ACAN: variants seen among roughly 807,000 people sequenced by gnomAD.
ACAN encodes the protein aggrecan core protein.
In ACAN, 47 loss-of-function variants were observed where a neutral mutation model predicts 169.1. The observed-to-expected ratio is 0.28, with a 90% CI of 0.22 to 0.35. The LOEUF is 0.35. Among genes scored for constraint, ACAN ranks in the 10% least tolerant of loss-of-function variants. The pLI is 1.00. For synonymous variants in ACAN, 1,115 were observed against 1,112.2 expected, an observed-to-expected ratio of 1.00 and a Z score of -0.05; for missense variants, 2,716 against 2,759.9, an observed-to-expected ratio of 0.98 and a Z score of 0.36.
rs1335478216 is a variant in ACAN at position 88,868,301 on chromosome 15, C to T, written c.7032C>T (p.Pro2344=). ...ACTCTTTCACATGCTTATGCCTTCC[C>T]AGCTACGAAGGGGACCTGTGTGAGA... is the stretch of plus-strand genomic sequence containing the variant. ...AIDSFTCLCL[P]SYEGDLCEID... is the part of the protein sequence containing the mutation. Residue 2344 remains proline (P), a synonymous_variant, in exon 14 of 19, where the codon CCC becomes CCT. Transcript: ENST00000560601. This position sits in a 1 kb window ranked among gnomAD's most constrained non-coding sequence, Gnocchi z 5.2. The T allele has an allele frequency of 5.7e-6, 4 of 702,824 alleles. No individual in the cohort carries two copies. In the Admixed American group the frequency reaches 8.0e-5, roughly 14 times the overall value. The allele number at this position is 702,824 out of a possible 1,614,324, so 43.5% of individuals were successfully genotyped here.
rs1271398346 is a variant in ACAN, at chr15:88,857,119, G to A, written c.4534G>A (p.Gly1512Arg). 2 of 1,606,826 alleles carry A rather than the reference G, an allele frequency of 1.2e-6. No individual in the cohort carries two copies. Among genetic ancestry groups the A allele is most frequent in the South Asian group, 2.2e-5 (2 of 90,258 alleles). ...GIEDVSELPS[G>R]EGLETSASGV... ...AGAGGATGTCAGTGAACTTCCTTCAGGAGAAGGTCTAGAGACCTCTGCTTC... is the reference window on the plus strand; with the variant it reads ...AGAGGATGTCAGTGAACTTCCTTCAAGAGAAGGTCTAGAGACCTCTGCTTC... The change falls in exon 12 of 19, where the codon GGA becomes AGA. Residue 1512 changes from glycine (G) to arginine (R), a missense_variant. Gly to Arg is a moderately radical substitution (Grantham distance 125, BLOSUM62 -2). Transcript: ENST00000560601.
intron 11 of ACAN, among the ~76,000 whole-genome samples, chr15:88,852,253 T>G (rs1388189549): frequency 6.6e-6 from 1 of 152,198 alleles, no homozygotes; most frequent in East Asian, 1.9e-4. Flanking sequence ...TAAAATTTTT[T>G]TATTACACAT....
intron 1 of ACAN, among the ~76,000 whole-genome samples, chr15:88,823,916 C>T (rs999263303): frequency 6.6e-6 from 1 of 152,168 alleles, no homozygotes; most frequent in Non-Finnish European, 1.5e-5. Context: ...TCCCGGCTAC[C>T]CCTGACAGCT....
At chr15:88,847,820 T>A in intron 8 of ACAN, 91 bp from the exon 9 acceptor site, 1 of 1,460,262 alleles carries the variant, frequency 6.8e-7, no homozygotes, top group African/African-American at 1.4e-5. Flanking sequence ...CATCTCCAAG[T>A]CCCTGAGTAG....
Position 88,872,042 on chromosome 15 carries a change from G to C in ACAN, c.7259G>C (p.Arg2420Thr). The change falls in exon 16 of 19, where the codon AGG becomes ACG. Residue 2420 changes from arginine (R) to threonine (T), a missense_variant. By Grantham distance (71) the Arg-to-Thr change is moderately conservative. Coordinates refer to ENST00000560601, the MANE Select transcript of ACAN (RefSeq NM_001369268.1). This position sits in a 1 kb window ranked among gnomAD's most constrained non-coding sequence, Gnocchi z 5.4. ...TACCAGTGGATCGGCCTGAACGACA[G>C]GACCATCGAAGGGGACTTCCGCTGG... ...QDYQWIGLND[R>T]TIEGDFRWSD... The C allele has an allele frequency of 6.2e-7, 1 of 1,613,974 alleles. No homozygotes were observed. The highest frequency in any genetic ancestry group is 8.5e-7 in the Non-Finnish European group (1 of 1,179,926).
At chr15:88,834,363 G>C (rs1896445443) in intron 1 of ACAN, among the ~76,000 whole-genome samples, 1 of 152,186 alleles carries the variant, frequency 6.6e-6, no homozygotes, top group Non-Finnish European at 1.5e-5. Context: ...GGAGTCCTGG[G>C]CCCACCCTGC....
chr15:88,815,257 G>C (rs1596113521), intron 1 of ACAN, among the ~76,000 whole-genome samples: 1 of 151,986 alleles, frequency 6.6e-6, no homozygotes, highest in Non-Finnish European at 1.5e-5. Context: ...ACAAAGATTG[G>C]ATTCCAAGTA....
chr15:88,848,151 C>T (rs1896841570), intron 9 of ACAN, 113 bp downstream of exon 9: 1 of 1,447,210 alleles, frequency 6.9e-7, no homozygotes, highest in African/African-American at 1.4e-5. Context: ...CCTGATTCCA[C>T]CCAGCTTTCC....
In ACAN at chr15:88,843,252, A is replaced by T; in HGVS notation, c.758-103A>T. The T allele has an allele frequency of 1.8e-6, 2 of 1,134,516 alleles. No individual in the cohort carries two copies. The highest frequency in any genetic ancestry group is 2.4e-6 in the Non-Finnish European group (2 of 824,812). 70.3% of individuals were successfully genotyped at this position (1,134,516 alleles called of 1,614,324 possible). A position where few individuals can be genotyped will look rare whatever the true frequency, so the allele number is the denominator to read the frequency against. On this transcript the variant is annotated intron_variant, in intron 5 of 18. Coordinates refer to ENST00000560601, the MANE Select transcript of ACAN (RefSeq NM_001369268.1). The surrounding 1 kb of genome is among the most constrained non-coding windows in gnomAD (Gnocchi z 4.0). The stretch of plus-strand genomic sequence containing the variant: ...TATGGGACCAGGACTTTGGGAAGTT[A>T]AAGGACTCCCAAGACCTCGTGGAAA...
rs148629590 is a variant in ACAN, at chr15:88,866,702, G to T, written c.6947-1514G>T. Among the ~76,000 whole-genome samples, 2 of 152,140 alleles carry T rather than the reference G, an allele frequency of 1.3e-5. No individual in the cohort carries two copies. The highest frequency in any genetic ancestry group is 2.9e-5 in the Non-Finnish European group (2 of 68,030). ...TTCAGGCCACCTGTTGCACAAATCC[G>T]CCTCTGGCCTAGAAGATGTCTACTA... On this transcript the variant is annotated intron_variant, in intron 13 of 18. Transcript: ENST00000560601. This position sits in a 1 kb window ranked among gnomAD's most constrained non-coding sequence, Gnocchi z 5.6.
chr15:88,873,684 C>T lies in ACAN; in HGVS notation c.7448-158C>T, dbSNP rs180776101. On this transcript the variant is annotated intron_variant, in intron 17 of 18. Transcript: ENST00000560601. The surrounding 1 kb of genome is among the most constrained non-coding windows in gnomAD (Gnocchi z 7.5). ...AAATTGTTGAGGAACCCAGATGTTACAGCCAGCGGCTTCCAGATTCTTAGC... is the reference window on the plus strand; with the variant it reads ...AAATTGTTGAGGAACCCAGATGTTATAGCCAGCGGCTTCCAGATTCTTAGC... 5 of 714,218 alleles carry T rather than the reference C, an allele frequency of 7.0e-6. No individual in the cohort carries two copies. In the African/African-American group the frequency reaches 7.1e-5, roughly 10 times the overall value. The allele number at this position is 714,218 out of a possible 1,614,324, so 44.2% of individuals were successfully genotyped here.
chr15:88,823,582 G>A (rs1409876458), intron 1 of ACAN, among the ~76,000 whole-genome samples: 1 of 152,118 alleles, frequency 6.6e-6, no homozygotes, highest in African/African-American at 2.4e-5. Context: ...AAGGCTGATG[G>A]TGTTCAGCCA....
chr15:88,812,990 C>A (rs1291608316), intron 1 of ACAN, among the ~76,000 whole-genome samples: 1 of 152,148 alleles, frequency 6.6e-6, no homozygotes, highest in Admixed American at 6.5e-5. Flanking sequence ...GGATCTCATC[C>A]CTCAGAGAAA....
intron 1 of ACAN, among the ~76,000 whole-genome samples, chr15:88,823,057 T>G (rs569573448): frequency 6.6e-6 from 1 of 152,172 alleles, no homozygotes; most frequent in African/African-American, 2.4e-5. Flanking sequence ...GCCAGACACA[T>G]TTACTGGAGG....
rs758720393 is a variant in ACAN at position 88,854,941 on chromosome 15, G to A, written c.2356G>A (p.Glu786Lys). 35 of 1,595,130 alleles carry A rather than the reference G, an allele frequency of 2.2e-5. No individual in the cohort carries two copies. Among genetic ancestry groups the A allele is most frequent in the African/African-American group, 4.0e-5 (3 of 74,274 alleles). The change falls in exon 12 of 19, where the codon GAA (glutamate) becomes AAA (lysine). Residue 786 changes from glutamate to lysine, a missense_variant. By Grantham distance (56) the Glu-to-Lys change is moderately conservative. This residue lies in a region of ACAN where 1,283 missense variants were observed against 1,281.5 expected (regional missense o/e 1.00). Coordinates refer to ENST00000560601, the MANE Select transcript of ACAN (RefSeq NM_001369268.1). Reference protein sequence around the residue: ...SATEVPSASEEPSPSEVPFPS... With the variant: ...SATEVPSASEKPSPSEVPFPS... The stretch of plus-strand genomic sequence containing the variant: ...AACTGAAGTGCCCTCTGCCTCAGAG[G>A]AACCATCCCCCTCAGAGGTGCCATT...
Position 88,873,958 on chromosome 15 carries a change from C to A in ACAN, c.7564C>A (p.His2522Asn). The A allele has an allele frequency of 6.2e-7, 1 of 1,613,464 alleles. No individual in the cohort carries two copies. Among genetic ancestry groups the A allele is most frequent in the Non-Finnish European group, 8.5e-7 (1 of 1,179,878 alleles). Residue 2522 changes from histidine to asparagine, a missense_variant, in exon 18 of 19, where the codon CAC becomes AAC. This residue lies in a region of ACAN where 1,389 missense variants were observed against 1,363.7 expected (regional missense o/e 1.02). Coordinates refer to ENST00000560601, the MANE Select transcript of ACAN (RefSeq NM_001369268.1). The surrounding 1 kb of genome is among the most constrained non-coding windows in gnomAD (Gnocchi z 7.5). ...YQCTEGFVQR[H>N]MPTIRCQPSG... ...GTGCACAGAGGGGTTTGTCCAGCGC[C>A]ACATGCCCACCATCCGGTGCCAGCC... is the stretch of plus-strand genomic sequence containing the variant.
intron 1 of ACAN, among the ~76,000 whole-genome samples, chr15:88,827,502 G>C (rs912562711): frequency 1.6e-4 from 24 of 152,322 alleles, no homozygotes; most frequent in African/African-American, 5.3e-4. Context: ...ACTGACCTCA[G>C]TGCCCCATTC....
intron 6 of ACAN, among the ~76,000 whole-genome samples, chr15:88,845,264 A>C (rs1896763492): frequency 6.6e-6 from 1 of 152,228 alleles, no homozygotes; most frequent in Non-Finnish European, 1.5e-5. Flanking sequence ...CTCATTGGTC[A>C]ATATCTTGCC....
Position 88,851,853 on chromosome 15 carries a change from G to A in ACAN, c.2086G>A (p.Gly696Ser), listed in dbSNP as rs1896937102. 1 of 1,611,732 alleles carries A rather than the reference G, an allele frequency of 6.2e-7. No individual in the cohort carries two copies. The highest frequency in any genetic ancestry group is 8.5e-7 in the Non-Finnish European group (1 of 1,179,008). The part of the protein sequence containing the change: ...EEGGTPTSPS[G>S]VEEWIVTQVV... Reference sequence around the variant, plus strand: ...GGGTGGCACACCCACATCACCCTCTGGTGTGGAGGAGTGGATCGTGACCCA... The same window carrying A: ...GGGTGGCACACCCACATCACCCTCTAGTGTGGAGGAGTGGATCGTGACCCA... The change falls in exon 11 of 19, where the codon GGT (glycine) becomes AGT (serine). Residue 696 changes from glycine to serine, a missense_variant. By Grantham distance (56) the Gly-to-Ser change is moderately conservative. Around this residue, in one of 3 missense-constraint regions of ACAN, gnomAD observed 1,283 missense variants for 1,281.5 expected, o/e 1.00. Coordinates refer to ENST00000560601, the MANE Select transcript of ACAN (RefSeq NM_001369268.1). This position sits in a 1 kb window ranked among gnomAD's most constrained non-coding sequence, Gnocchi z 4.3.
Sources: allele counts gnomAD v4.1 joint callset (sites outside exome capture counted in the v4.1 genomes callset), GRCh38; gene constraint gnomAD v4.1.1; regional missense constraint gnomAD v4.1.1; non-coding constraint Gnocchi (gnomAD v3.1); transcripts MANE v1.5; gene names NCBI Gene and HGNC (gene_info 2026-07-23, HGNC 2026-07-21).